Variants in SEC61A1 observed in about 807,000 individuals in gnomAD.
The protein encoded by SEC61A1 is protein transport protein Sec61 subunit alpha isoform 1.
A neutral mutation model predicts 55.2 loss-of-function variants in SEC61A1; 15 were observed. That is an observed-to-expected ratio of 0.27 (90% CI 0.18 to 0.42). The LOEUF (loss-of-function observed/expected upper bound fraction) is 0.42. Ranked by LOEUF, SEC61A1 falls within the 10% of genes least tolerant of loss-of-function variation. The pLI, the probability that SEC61A1 is intolerant of heterozygous loss-of-function variation, is 1.00. For missense variants in SEC61A1, 284 were observed against 602.6 expected (o/e 0.47, Z 5.53); for synonymous variants, 247 against 234.0 (o/e 1.06, Z -0.51).
At chr3:128,064,805 C>A in intron 7 of SEC61A1, 72 bp from the exon 8 acceptor site, 1 of 1,362,018 alleles carries the variant, frequency 7.3e-7, no homozygotes, top group Non-Finnish European at 1.0e-6. Context: ...TTTTATTTGT[C>A]TGCTAAGAAG....
chr3:128,055,385 C>A, intron 2 of SEC61A1, 131 bp from the exon 3 acceptor site: 8 of 747,138 alleles, frequency 1.1e-5, no homozygotes, highest in Non-Finnish European at 1.9e-5. Flanking sequence ...CATGGTTTGG[C>A]TTCTCTGCTG....
intron 2 of SEC61A1, among the ~76,000 whole-genome samples, chr3:128,054,857 ATACT>A (rs376425167): frequency 1.2e-4 from 19 of 152,264 alleles, no homozygotes; most frequent in East Asian, 1.2e-3. Context: ...TTTTCTAATG[ATACT>A]TAATACTTAA....
chr3:128,060,658 C>T lies in SEC61A1; in HGVS notation c.613C>T (p.Arg205Ter). 2 of 1,613,978 alleles carry T rather than the reference C, an allele frequency of 1.2e-6. No homozygotes were observed. The highest frequency in any genetic ancestry group is 1.7e-6 in the Non-Finnish European group (2 of 1,179,958). The change falls in exon 7 of 12, where the codon CGA becomes TGA. Residue 205 changes from arginine to a stop codon, truncating the protein, a stop_gained. Coordinates refer to ENST00000243253, the MANE Select transcript of SEC61A1 (RefSeq NM_013336.4). LOFTEE classifies it high-confidence loss of function. ...AFSPTTVNTG[R>*]GMEFEGAIIA... Reference sequence around the variant, plus strand: ...CAGCCCCACTACTGTCAACACTGGCCGAGGTAAGGGCCCTGTGCTCCCCTG... The same window carrying T: ...CAGCCCCACTACTGTCAACACTGGCTGAGGTAAGGGCCCTGTGCTCCCCTG...
rs1230041703 is a variant in SEC61A1 at position 128,052,911 on chromosome 3, C to T, written c.75+9C>T. On this transcript the variant is annotated intron_variant, in intron 2 of 11. Transcript: ENST00000243253. ...AGAAGCCAGAGAGGAAGGTAAGTAC[C>T]CCAAATCGCCAACAAAGAAGGTTTC... 6.2e-7 allele frequency: 1 copy of T among 1,605,990 alleles called. No homozygotes were observed. Among genetic ancestry groups the T allele is most frequent in the Admixed American group, 1.7e-5 (1 of 58,416 alleles).
intron 8 of SEC61A1, chr3:128,065,373 T>C (rs191537712): frequency 1.2e-5 from 7 of 567,962 alleles, no homozygotes; most frequent in Admixed American, 7.0e-5. Context: ...TGCTCTCTTA[T>C]AGAAAGTTTG....
intron 6 of SEC61A1, 25 bp downstream of exon 6, chr3:128,060,236 T>A (rs755125731): frequency 6.7e-7 from 1 of 1,486,904 alleles, no homozygotes; most frequent in Non-Finnish European, 9.4e-7. Context: ...AACATCTCCC[T>A]TTGAGTAGCC....
chr3:128,052,279 C>A (rs1158616661), upstream of SEC61A1: 2 of 262,526 alleles, frequency 7.6e-6, no homozygotes, highest in Non-Finnish European at 1.3e-5. Context: ...GCCCCAGGAG[C>A]CCCGCTGCAT....
At chr3:128,052,408 G>A (rs1010096199), upstream of SEC61A1, 37 of 1,229,190 alleles carry the variant, frequency 3.0e-5, no homozygotes, top group African/African-American at 6.3e-5. Context: ...CCCGCGCCGC[G>A]CCGCGCCGCT....
At chr3:128,066,773 A>G in intron 8 of SEC61A1, 181 bp from the exon 9 acceptor site, 1 of 598,994 alleles carries the variant, frequency 1.7e-6, no homozygotes, top group South Asian at 2.1e-5. Flanking sequence ...GGATGTGCCA[A>G]GTGCAGGAGT....
At chr3:128,059,986 C>A in intron 5 of SEC61A1, 116 bp from the exon 6 acceptor site, 1 of 721,120 alleles carries the variant, frequency 1.4e-6, no homozygotes, top group Non-Finnish European at 2.4e-6. Flanking sequence ...GAGGTAGTAT[C>A]ACTGCTCTTC....
At chr3:128,063,041 T>G (rs544026114) in intron 7 of SEC61A1, among the ~76,000 whole-genome samples, 114 of 152,340 alleles carry the variant, frequency 7.5e-4, no homozygotes, top group African/African-American at 2.4e-3. Flanking sequence ...CAAGTTTTTA[T>G]TTAATGTGCT....
chr3:128,067,576 A>G lies in SEC61A1; in HGVS notation c.1131A>G (p.Lys377=). ...TGGGCTCCTGTGCATTCTTCTCCAA[A>G]ACGTGGATTGAGGTCTCAGGTTCCT... ...FMLGSCAFFS[K]TWIEVSGSSA... Residue 377 remains lysine (K), a synonymous_variant, in exon 10 of 12, where the codon AAA becomes AAG. Coordinates refer to ENST00000243253, the MANE Select transcript of SEC61A1 (RefSeq NM_013336.4). This position sits in a 1 kb window ranked among gnomAD's most constrained non-coding sequence, Gnocchi z 4.1. The G allele has an allele frequency of 3.1e-6, 5 of 1,611,666 alleles. No homozygotes were observed. Among genetic ancestry groups the G allele is most frequent in the Non-Finnish European group, 4.2e-6 (5 of 1,179,246 alleles).
intron 7 of SEC61A1, among the ~76,000 whole-genome samples, chr3:128,061,721 G>A (rs1291078447): frequency 6.6e-6 from 1 of 152,222 alleles, no homozygotes; most frequent in East Asian, 1.9e-4. Flanking sequence ...TAAATTGGGA[G>A]AAGCAGGTCC....
chr3:128,054,438 C>T (rs973326638), intron 2 of SEC61A1, among the ~76,000 whole-genome samples: 1 of 152,188 alleles, frequency 6.6e-6, no homozygotes, highest in Non-Finnish European at 1.5e-5. Flanking sequence ...GGAAGAGGAC[C>T]ATTCTCAAGA....
At position 128,067,578 on chromosome 3, in the gene SEC61A1, C is replaced by T; in HGVS notation, c.1133C>T (p.Thr378Met). The T allele has an allele frequency of 1.2e-6, 2 of 1,611,486 alleles. No homozygotes were observed. Among genetic ancestry groups the T allele is most frequent in the Non-Finnish European group, 1.7e-6 (2 of 1,179,200 alleles). ...GGCTCCTGTGCATTCTTCTCCAAAA[C>T]GTGGATTGAGGTCTCAGGTTCCTCT... ...MLGSCAFFSK[T>M]WIEVSGSSAK... Residue 378 changes from threonine (T) to methionine (M), a missense_variant, in exon 10 of 12, where the codon ACG becomes ATG. Transcript: ENST00000243253. This position sits in a 1 kb window ranked among gnomAD's most constrained non-coding sequence, Gnocchi z 4.1.
Position 128,065,150 on chromosome 3 carries a change from C to T in SEC61A1, c.777+113C>T, listed in dbSNP as rs774787934. 18 of 1,176,664 alleles carry T rather than the reference C, an allele frequency of 1.5e-5. No individual in the cohort carries two copies. The East Asian group carries it at 2.6e-4, about 17-fold the overall frequency. The allele number at this position is 1,176,664 out of a possible 1,614,324, so 72.9% of individuals were successfully genotyped here. On this transcript the variant is annotated intron_variant, in intron 8 of 11. Transcript: ENST00000243253. ...GCACTGTCATCATATTGTGTTGAAA[C>T]GATGAGATGGTATTTGAAGGCAGCA...
intron 2 of SEC61A1, among the ~76,000 whole-genome samples, chr3:128,054,417 G>A (rs1941739043): frequency 6.6e-6 from 1 of 152,222 alleles, no homozygotes; most frequent in Admixed American, 6.5e-5. Flanking sequence ...AGTGTGGTGG[G>A]ATGGTAGGTG....
In SEC61A1 at chr3:128,060,115, C is replaced by G; in HGVS notation, c.366C>G (p.Ile122Met). Reference sequence around the variant, plus strand: ...TTTCAATTCTAGTATTTGGCATGATCATTACTATCGGCCAGTCTATCGTGT... The same window carrying G: ...TTTCAATTCTAGTATTTGGCATGATGATTACTATCGGCCAGTCTATCGTGT... ...FNGAQKLFGM[I>M]ITIGQSIVYV... The change falls in exon 6 of 12, where the codon ATC becomes ATG. Residue 122 changes from isoleucine to methionine, a missense_variant. Coordinates refer to ENST00000243253, the MANE Select transcript of SEC61A1 (RefSeq NM_013336.4). 6.2e-7 allele frequency: 1 copy of G among 1,612,614 alleles called. No individual in the cohort carries two copies. Among genetic ancestry groups the G allele is most frequent in the Non-Finnish European group, 8.5e-7 (1 of 1,178,646 alleles).
Position 128,056,847 on chromosome 3 carries a change from A to T in SEC61A1, c.352+7A>T, listed in dbSNP as rs772989616. ...TTCAACGGAGCCCAAAAGTGTAAGA[A>T]AGATTGTGAATAATCTGATGTCTAT... On this transcript the variant is annotated splice_region_variant and intron_variant, in intron 5 of 11. Coordinates refer to ENST00000243253, the MANE Select transcript of SEC61A1 (RefSeq NM_013336.4). The T allele has an allele frequency of 6.4e-7, 1 of 1,565,782 alleles. No homozygotes were observed. The highest frequency in any genetic ancestry group is 8.7e-7 in the Non-Finnish European group (1 of 1,155,636).
Sources: allele counts gnomAD v4.1 joint callset (sites outside exome capture counted in the v4.1 genomes callset), GRCh38; gene constraint gnomAD v4.1.1; non-coding constraint Gnocchi (gnomAD v3.1); transcripts MANE v1.5; gene names NCBI Gene and HGNC (gene_info 2026-07-23, HGNC 2026-07-21).